KIF2A: variants seen among roughly 807,000 people sequenced by gnomAD.
The protein encoded by KIF2A is kinesin family member 2A, also known as kinesin-like protein KIF2A.
Under a neutral mutation model 100.2 loss-of-function variants are expected in KIF2A, and 22 were observed. The observed-to-expected ratio is 0.22, with a 90% confidence interval of 0.16 to 0.31. The LOEUF (loss-of-function observed/expected upper bound fraction) is 0.31, where lower values mean the gene tolerates loss of function less well. Among genes scored for constraint, KIF2A ranks in the 10% least tolerant of loss-of-function variants. The pLI is 1.00. For synonymous variants in KIF2A, 268 were observed against 285.9 expected, an observed-to-expected ratio of 0.94 and a Z score of 0.63; for missense variants, 495 against 898.7, an observed-to-expected ratio of 0.55 and a Z score of 5.74.
chr5:62,340,580 CATT>C (rs1747243653), intron 1 of KIF2A, among the ~76,000 whole-genome samples: 1 of 142,022 alleles, frequency 7.0e-6, no homozygotes, highest in East Asian at 2.0e-4. Context: ...TTGAGCATCT[CATT>C]GTTCTCCCCC....
chr5:62,358,904 C>T (rs1417769898), intron 9 of KIF2A, among the ~76,000 whole-genome samples: 1 of 152,240 alleles, frequency 6.6e-6, no homozygotes, highest in Non-Finnish European at 1.5e-5. Context: ...CTCCTGAGCT[C>T]AAGTGATCTG....
intron 1 of KIF2A, among the ~76,000 whole-genome samples, chr5:62,317,785 A>G (rs894702687): frequency 6.6e-6 from 1 of 152,174 alleles, no homozygotes; most frequent in Non-Finnish European, 1.5e-5. Context: ...ACTTTTCTCT[A>G]GAAGAAGTTA....
chr5:62,330,387 A>G (rs780713969), intron 1 of KIF2A, among the ~76,000 whole-genome samples: 4 of 152,214 alleles, frequency 2.6e-5, no homozygotes, highest in African/African-American at 9.6e-5. Flanking sequence ...CTGTTATTTA[A>G]TATAGGTTTT....
At chr5:62,382,667 C>G (rs1322213320) in intron 20 of KIF2A, among the ~76,000 whole-genome samples, 1 of 131,656 alleles carries the variant, frequency 7.6e-6, no homozygotes, top group African/African-American at 2.9e-5. Context: ...GAGTTTTGCT[C>G]TTATTGTCCA....
intron 1 of KIF2A, among the ~76,000 whole-genome samples, chr5:62,331,820 C>T (rs142382661): frequency 1.2e-3 from 173 of 149,754 alleles, no homozygotes; most frequent in African/African-American, 4.1e-3. Context: ...ACAGCTGCAA[C>T]CTTTTAAAAA....
intron 1 of KIF2A, among the ~76,000 whole-genome samples, chr5:62,339,765 C>CAA (rs546300639): frequency 1.7e-5 from 2 of 118,434 alleles, no homozygotes; most frequent in Non-Finnish European, 1.8e-5. Flanking sequence ...TAGTATTGAG[C>CAA]AAAAAAAAAA....
intron 1 of KIF2A, among the ~76,000 whole-genome samples, chr5:62,331,569 G>A (rs1184235887): frequency 2.0e-5 from 3 of 152,126 alleles, no homozygotes; most frequent in Middle Eastern, 3.2e-3. Context: ...CAGCCTGGGT[G>A]ACAGAGCGAG....
Position 62,386,480 on chromosome 5 carries a change from A to G in KIF2A, c.*911A>G, listed in dbSNP as rs938474402. The stretch of plus-strand genomic sequence containing the variant: ...GTGCAGTTTGATCCTTACCAATATC[A>G]TTACTTAATTTGAAGTGTTCATTAG... On this transcript the variant is annotated 3_prime_UTR_variant, in exon 21 of 21. Coordinates refer to ENST00000407818, the MANE Select transcript of KIF2A (RefSeq NM_001098511.3). 7 of 152,226 alleles carry G rather than the reference A, an allele frequency of 4.6e-5. No homozygotes were observed. Among genetic ancestry groups the G allele is most frequent in the Non-Finnish European group, 8.8e-5 (6 of 68,046 alleles). The allele number at this position is 152,226 out of a possible 1,614,324, so 9.4% of individuals were successfully genotyped here.
chr5:62,322,258 T>C (rs1033732785), intron 1 of KIF2A, among the ~76,000 whole-genome samples: 2 of 152,360 alleles, frequency 1.3e-5, no homozygotes, highest in Non-Finnish European at 2.9e-5. Context: ...TGTTGAGGTA[T>C]AAAACTTCTG....
chr5:62,314,183 C>G (rs1044044545), intron 1 of KIF2A, among the ~76,000 whole-genome samples: 1 of 152,050 alleles, frequency 6.6e-6, no homozygotes, highest in African/African-American at 2.4e-5. Flanking sequence ...TAAATAGAGA[C>G]TGGCTCGGTG....
At chr5:62,378,158 CTACTTACT>C (rs1479085394) in intron 19 of KIF2A, among the ~76,000 whole-genome samples, 1 of 152,180 alleles carries the variant, frequency 6.6e-6, no homozygotes, top group Non-Finnish European at 1.5e-5. Flanking sequence ...AAAAGAGAGA[CTACTTACT>C]TCAGGAGATG....
At chr5:62,306,654 C>A in intron 1 of KIF2A, 118 bp downstream of exon 1, 1 of 774,222 alleles carries the variant, frequency 1.3e-6, no homozygotes, top group South Asian at 1.8e-5. Flanking sequence ...GGTGGGAAGG[C>A]GGCGGCCGCG....
At chr5:62,380,428 GA>G (rs1741724638) in intron 19 of KIF2A, among the ~76,000 whole-genome samples, 1 of 152,154 alleles carries the variant, frequency 6.6e-6, no homozygotes, top group African/African-American at 2.4e-5. Context: ...TAAAGATAGA[GA>G]AATGAAATGA....
At chr5:62,362,580 TA>T in intron 12 of KIF2A, 39 bp downstream of exon 12, 1 of 886,086 alleles carries the variant, frequency 1.1e-6, no homozygotes, top group East Asian at 3.3e-5. Context: ...TTTTAAAATA[TA>T]TATATAACAT....
rs1310137599 is a variant in KIF2A at position 62,385,633 on chromosome 5, G to A, written c.*64G>A. 2 of 1,123,414 alleles carry A rather than the reference G, an allele frequency of 1.8e-6. No homozygotes were observed. Among genetic ancestry groups the A allele is most frequent in the African/African-American group, 1.6e-5 (1 of 64,006 alleles). 69.6% of individuals were successfully genotyped at this position (1,123,414 alleles called of 1,614,324 possible). ...TACTGTAACATACAACGGTTCAGCTGTAAGGGCCATTTGAAAGTTTGGAAT... is the reference window on the plus strand; with the variant it reads ...TACTGTAACATACAACGGTTCAGCTATAAGGGCCATTTGAAAGTTTGGAAT... On this transcript the variant is annotated 3_prime_UTR_variant, in exon 21 of 21. Coordinates refer to ENST00000407818, the MANE Select transcript of KIF2A (RefSeq NM_001098511.3).
At chr5:62,326,967 A>G (rs905897232) in intron 1 of KIF2A, among the ~76,000 whole-genome samples, 5 of 152,220 alleles carry the variant, frequency 3.3e-5, no homozygotes, top group African/African-American at 9.6e-5. Flanking sequence ...ACTGCCTCAA[A>G]GAAAAAACAA....
At chr5:62,309,253 T>C (rs1388649458) in intron 1 of KIF2A, among the ~76,000 whole-genome samples, 1 of 152,236 alleles carries the variant, frequency 6.6e-6, no homozygotes, top group African/African-American at 2.4e-5. Context: ...TTTGTGTTCT[T>C]ACATAAGTGC....
chr5:62,306,363 C>G lies in KIF2A; in HGVS notation c.-110C>G. On this transcript the variant is annotated 5_prime_UTR_variant, in exon 1 of 21. Coordinates refer to ENST00000407818, the MANE Select transcript of KIF2A (RefSeq NM_001098511.3). ...GCGTTCACGCTGTCGCCCGGGCCGGCGCGGCCGCGGGCAACCGCTCCCCCT... is the reference window on the plus strand; with the variant it reads ...GCGTTCACGCTGTCGCCCGGGCCGGGGCGGCCGCGGGCAACCGCTCCCCCT... 3 of 889,174 alleles carry G rather than the reference C, an allele frequency of 3.4e-6. No individual in the cohort carries two copies. The South Asian group carries it at 4.8e-5, about 14-fold the overall frequency. The allele number at this position is 889,174 out of a possible 1,614,324, so 55.1% of individuals were successfully genotyped here. A position where few individuals can be genotyped will look rare whatever the true frequency, so the allele number is the denominator to read the frequency against.
intron 1 of KIF2A, among the ~76,000 whole-genome samples, chr5:62,317,290 C>T (rs528142646): frequency 1.3e-4 from 20 of 152,284 alleles, no homozygotes; most frequent in South Asian, 4.1e-4. Context: ...TCAGGTCATC[C>T]GCCTGTCTTG....
Sources: allele counts gnomAD v4.1 joint callset (sites outside exome capture counted in the v4.1 genomes callset), GRCh38; gene constraint gnomAD v4.1.1; transcripts MANE v1.5; gene names NCBI Gene and HGNC (gene_info 2026-07-23, HGNC 2026-07-21).